The following NELL1 variants were observed in gnomAD, a reference collection of about 807,000 sequenced individuals.
NELL1 encodes protein kinase C-binding protein NELL1.
In NELL1, 76 loss-of-function variants were observed where a neutral mutation model predicts 107.4. The observed-to-expected ratio is 0.71, with a 90% CI of 0.59 to 0.86. The LOEUF (loss-of-function observed/expected upper bound fraction) is 0.86, where lower values mean the gene tolerates loss of function less well. Among genes scored for constraint, NELL1 ranks in the 40% least tolerant of loss-of-function variants. The pLI is 0.00. For missense variants in NELL1, 1,024 were observed against 1,005.5 expected, an observed-to-expected ratio of 1.02 and a Z score of -0.25; for synonymous variants, 353 against 341.2, an observed-to-expected ratio of 1.03 and a Z score of -0.38.
chr11:21,004,027 G>T (rs1852278694), intron 12 of NELL1, among the ~76,000 whole-genome samples: 2 of 152,022 alleles, frequency 1.3e-5, no homozygotes, highest in Non-Finnish European at 2.9e-5. Flanking sequence ...CAACTTCTCT[G>T]CCTGGGAAAC....
intron 5 of NELL1, among the ~76,000 whole-genome samples, chr11:20,889,126 T>A: frequency 6.6e-6 from 1 of 152,298 alleles, no homozygotes; most frequent in Middle Eastern, 3.4e-3. Context: ...GGGAAGAATT[T>A]TTTTTGGCCA....
At position 21,109,978 on chromosome 11, in the gene NELL1, C is replaced by G. The variant is rs552314171; in HGVS notation, c.1301-3611C>G. 2.0e-5 allele frequency among the ~76,000 whole-genome samples: 3 copies of G among 152,172 alleles called. No individual in the cohort carries two copies. The East Asian group carries it at 5.8e-4, about 30-fold the overall frequency. ...CCATCCTCTGTTCCCATCCCAAAAC[C>G]GTGAGAGTTGCCAATTTCTTTCTTT... is the stretch of plus-strand genomic sequence containing the variant. On this transcript the variant is annotated intron_variant, in intron 12 of 19. Transcript: ENST00000357134.
At chr11:21,472,106 G>C (rs544946671) in intron 15 of NELL1, among the ~76,000 whole-genome samples, 1 of 151,884 alleles carries the variant, frequency 6.6e-6, no homozygotes, top group African/African-American at 2.4e-5. Context: ...CCTTTGAGCT[G>C]TCTAAGCTCC....
In NELL1 at chr11:20,759,007, G is replaced by A. The variant is rs182933796; in HGVS notation, c.185-24673G>A. On this transcript the variant is annotated intron_variant, in intron 2 of 19. Transcript: ENST00000357134. ...GTTCGTTGAGCCTACCATATACCAC[G>A]AAAATCTGTGAGATAGAGAATTTTA... Among the ~76,000 whole-genome samples the A allele has an allele frequency of 8.7e-4, 133 of 152,304 alleles. 1 individual carries two copies. Among genetic ancestry groups the A allele is most frequent in the African/African-American group, 3.1e-3 (128 of 41,572 alleles).
At chr11:21,218,410 A>C (rs1042305076) in intron 13 of NELL1, among the ~76,000 whole-genome samples, 16 of 152,218 alleles carry the variant, frequency 1.1e-4, no homozygotes, top group African/African-American at 3.1e-4. Flanking sequence ...ACATTTAAAT[A>C]CATGAATACA....
chr11:21,448,285 A>C (rs1432292357), intron 15 of NELL1, among the ~76,000 whole-genome samples: 1 of 152,062 alleles, frequency 6.6e-6, no homozygotes, highest in Non-Finnish European at 1.5e-5. Flanking sequence ...ATCTTACTGC[A>C]ACCCTCTCCT....
At chr11:21,146,200 C>A (rs2133778648) in intron 13 of NELL1, among the ~76,000 whole-genome samples, 1 of 151,968 alleles carries the variant, frequency 6.6e-6, no homozygotes, top group Admixed American at 6.5e-5. Context: ...CAGTGCCATT[C>A]TCTGCTCTAC....
rs868661309 is a variant in NELL1 at position 21,099,222 on chromosome 11, C to A, written c.1301-14367C>A. 9.0e-3 allele frequency among the ~76,000 whole-genome samples: 1,231 copies of A among 137,138 alleles called. 6 individuals carry two copies. The highest frequency in any genetic ancestry group is 0.024 in the South Asian group (96 of 3,962). 90.0% of individuals were successfully genotyped at this position (137,138 alleles called of 152,430 possible). On this transcript the variant is annotated intron_variant, in intron 12 of 19. Transcript: ENST00000357134. The stretch of plus-strand genomic sequence containing the variant: ...ACACACACACACACACACACACACA[C>A]ACACACACACAAACACACACACACA...
chr11:21,343,207 A>G (rs540347906), intron 14 of NELL1, among the ~76,000 whole-genome samples: 1 of 152,064 alleles, frequency 6.6e-6, no homozygotes, highest in South Asian at 2.1e-4. Context: ...CCAGCATGGC[A>G]TACAAGATTC....
chr11:21,505,426 G>T (rs887172281), intron 15 of NELL1, among the ~76,000 whole-genome samples: 40 of 152,030 alleles, frequency 2.6e-4, no homozygotes, highest in African/African-American at 8.9e-4. Flanking sequence ...TTATCTACTG[G>T]ATGGTGACTA....
chr11:21,357,373 G>A (rs1203881286), intron 14 of NELL1, among the ~76,000 whole-genome samples: 3 of 152,164 alleles, frequency 2.0e-5, no homozygotes, highest in African/African-American at 7.2e-5. Context: ...GTAGCTCATT[G>A]TGGTTTTAAT....
At chr11:21,337,713 C>A (rs1485890748) in intron 14 of NELL1, among the ~76,000 whole-genome samples, 1 of 152,012 alleles carries the variant, frequency 6.6e-6, no homozygotes, top group East Asian at 1.9e-4. Flanking sequence ...CCCTTTCCCG[C>A]TTTTCATTCT....
upstream of NELL1, chr11:20,669,577 G>C (rs1353463414): frequency 5.3e-5 from 28 of 528,134 alleles, no homozygotes; most frequent in Middle Eastern, 4.6e-4. This position sits in a 1 kb window ranked among gnomAD's most constrained non-coding sequence, Gnocchi z 4.4. Context: ...GCGCATATGC[G>C]AGCGCAGCAC....
chr11:20,822,826 G>A (rs1857788638), intron 3 of NELL1, among the ~76,000 whole-genome samples: 1 of 152,210 alleles, frequency 6.6e-6, no homozygotes, highest in Non-Finnish European at 1.5e-5. Context: ...ATCATTGGAA[G>A]TCTTATGTGC....
intron 12 of NELL1, among the ~76,000 whole-genome samples, chr11:21,000,085 T>C (rs1450943903): frequency 6.6e-6 from 1 of 152,136 alleles, no homozygotes; most frequent in Non-Finnish European, 1.5e-5. Context: ...GTGTTGGCAA[T>C]GATTGACTAA....
chr11:21,235,549 C>A (rs189891018), intron 14 of NELL1, among the ~76,000 whole-genome samples: 27 of 152,134 alleles, frequency 1.8e-4, no homozygotes, highest in Middle Eastern at 3.4e-3. Context: ...AGTGTTTAAG[C>A]TTCTCTTAAG....
At chr11:20,830,250 C>T (rs1857979364) in intron 3 of NELL1, among the ~76,000 whole-genome samples, 2 of 149,696 alleles carry the variant, frequency 1.3e-5, no homozygotes, top group South Asian at 4.2e-4. Context: ...GAGTGAGACA[C>T]CATCTCAAAA....
rs555252177 is a variant in NELL1 at position 21,436,148 on chromosome 11, G to T, written c.1645+65200G>T. On this transcript the variant is annotated intron_variant, in intron 15 of 19. Transcript: ENST00000357134. ...CCTGGCTCACTGCAACCTCTGCCTC[G>T]GGTTCAAGTGATTCTCCTGCCTCAG... Among the ~76,000 whole-genome samples the T allele has an allele frequency of 1.6e-4, 25 of 152,052 alleles. No individual in the cohort carries two copies. In the East Asian group the frequency reaches 4.7e-3, roughly 28 times the overall value.
At chr11:20,869,173 A>G (rs1308986760) in intron 4 of NELL1, among the ~76,000 whole-genome samples, 5 of 152,194 alleles carry the variant, frequency 3.3e-5, no homozygotes, top group Non-Finnish European at 7.4e-5. Flanking sequence ...TTGTTTACTT[A>G]ACTGATGTTT....
Sources: gnomAD v4.1 joint callset for allele counts (sites outside exome capture counted in the v4.1 genomes callset) on GRCh38, gnomAD v4.1.1 for gene constraint, Gnocchi (gnomAD v3.1) non-coding constraint, MANE v1.5 for transcripts, NCBI Gene and HGNC (gene_info 2026-07-23, HGNC 2026-07-21) for gene names.